The following KCNN3 variants were observed in gnomAD, a reference collection of about 807,000 sequenced individuals.
KCNN3 encodes the protein potassium calcium-activated channel subfamily N member 3.
Under a neutral mutation model 62.9 loss-of-function variants are expected in KCNN3, and 16 were observed. The observed-to-expected ratio is 0.25, with a 90% CI of 0.17 to 0.39. The LOEUF (loss-of-function observed/expected upper bound fraction) is 0.39. KCNN3 is among the 10% of genes least tolerant of loss of function. KCNN3 has a pLI of 1.00. For synonymous variants in KCNN3, 370 were observed against 389.2 expected (o/e 0.95, Z 0.58); for missense variants, 599 against 949.4 (o/e 0.63, Z 4.85).
At chr1:154,765,778 C>T (rs1025517816) in intron 3 of KCNN3, among the ~76,000 whole-genome samples, 2 of 151,288 alleles carry the variant, frequency 1.3e-5, no homozygotes, top group African/African-American at 2.4e-5. Context: ...CCACCACTCC[C>T]GGCTAATGTT....
At chr1:154,715,433 CAAA>C (rs68051927) in intron 5 of KCNN3, among the ~76,000 whole-genome samples, 1 of 104,050 alleles carries the variant, frequency 9.6e-6, no homozygotes. Flanking sequence ...AACTCCATCT[CAAA>C]AAAAAAAAAA....
chr1:154,757,070 C>T (rs566064770), intron 3 of KCNN3, among the ~76,000 whole-genome samples: 35 of 152,080 alleles, frequency 2.3e-4, no homozygotes, highest in African/African-American at 5.5e-4. Context: ...TGAAGGGAAA[C>T]GGCAGAGGAG....
intron 2 of KCNN3, among the ~76,000 whole-genome samples, chr1:154,801,238 C>T (rs537606262): frequency 2.6e-5 from 4 of 152,240 alleles, no homozygotes; most frequent in African/African-American, 7.2e-5. Flanking sequence ...CCATTTATCC[C>T]GGCAAAGTAG....
In KCNN3 at chr1:154,725,919, C is replaced by T; in HGVS notation, c.1698G>A (p.Lys566=). ...HNFMMDTQLT[K]RIKNAAANVL... is the part of the protein sequence containing the mutation. Reference sequence around the variant, plus strand: ...ACATGGCTGTGTGGCATCTTACCCGCTTGGTGAGCTGAGTGTCCATCATGA... The same window carrying T: ...ACATGGCTGTGTGGCATCTTACCCGTTTGGTGAGCTGAGTGTCCATCATGA... The change falls in exon 5 of 8, where the codon AAG becomes AAA. Residue 566 remains lysine, a synonymous_variant. Transcript: ENST00000271915. 6.2e-7 allele frequency: 1 copy of T among 1,613,168 alleles called. No homozygotes were observed. The highest frequency in any genetic ancestry group is 8.5e-7 in the Non-Finnish European group (1 of 1,179,132).
intron 2 of KCNN3, among the ~76,000 whole-genome samples, chr1:154,816,870 C>T (rs1299054410): frequency 2.0e-5 from 3 of 152,198 alleles, no homozygotes; most frequent in Admixed American, 6.5e-5. Flanking sequence ...ATTCCAAAAC[C>T]CTTCAGCAAG....
chr1:154,822,131 G>T lies in KCNN3; in HGVS notation c.987C>A (p.Ile329=), dbSNP rs1650924233. ...GGTAGGCGATGATCAAGCCCAAAAGGATGATGGTGGACAGACTGATAAGGC... is the reference window on the plus strand; with the variant it reads ...GGTAGGCGATGATCAAGCCCAAAAGTATGATGGTGGACAGACTGATAAGGC... The part of the protein sequence containing the change: ...LKCLISLSTI[I]LLGLIIAYHT... Residue 329 remains isoleucine, a synonymous_variant, in exon 2 of 8, where the codon ATC becomes ATA. Coordinates refer to ENST00000271915, the MANE Select transcript of KCNN3 (RefSeq NM_002249.6). The T allele has an allele frequency of 5.6e-6, 9 of 1,614,212 alleles. No individual in the cohort carries two copies. Among genetic ancestry groups the T allele is most frequent in the Admixed American group, 1.7e-5 (1 of 60,030 alleles).
chr1:154,818,866 C>T (rs904078437), intron 2 of KCNN3, among the ~76,000 whole-genome samples: 3 of 152,244 alleles, frequency 2.0e-5, no homozygotes, highest in African/African-American at 7.2e-5. Context: ...CTAAAAGGTA[C>T]TCCCCCAGCC....
intron 3 of KCNN3, among the ~76,000 whole-genome samples, chr1:154,770,075 T>C (rs752477516): frequency 3.9e-5 from 6 of 152,322 alleles, no homozygotes; most frequent in East Asian, 1.9e-4. Flanking sequence ...GCTTTCTCCA[T>C]TGGGGGAAGA....
At chr1:154,782,807 C>G (rs918198058) in intron 2 of KCNN3, among the ~76,000 whole-genome samples, 1 of 152,218 alleles carries the variant, frequency 6.6e-6, no homozygotes, top group Non-Finnish European at 1.5e-5. Context: ...CAATCAATTG[C>G]CTGGGGCTTG....
intron 3 of KCNN3, among the ~76,000 whole-genome samples, chr1:154,758,315 G>A (rs972100851): frequency 6.6e-6 from 1 of 152,230 alleles, no homozygotes; most frequent in African/African-American, 2.4e-5. Flanking sequence ...CCTGATCACA[G>A]GATGGATCCT....
chr1:154,825,511 G>A (rs111992259), intron 1 of KCNN3, among the ~76,000 whole-genome samples: 15,680 of 149,802 alleles, frequency 0.1, 979 homozygotes, highest in African/African-American at 0.16. Flanking sequence ...GACTACAGGC[G>A]CCCGCCACTA....
chr1:154,799,052 G>A (rs1557982058), intron 2 of KCNN3, among the ~76,000 whole-genome samples: 1 of 151,892 alleles, frequency 6.6e-6, no homozygotes, highest in Non-Finnish European at 1.5e-5. Context: ...AAGTAGCTGG[G>A]TTTATAGGTA....
chr1:154,758,138 A>C (rs1647817376), intron 3 of KCNN3, among the ~76,000 whole-genome samples: 1 of 152,154 alleles, frequency 6.6e-6, no homozygotes, highest in Non-Finnish European at 1.5e-5. Flanking sequence ...ATAGGAAGAG[A>C]TTTCTAAGTC....
Position 154,708,090 on chromosome 1 carries a change from C to T in KCNN3, c.2082G>A (p.Glu694=). The T allele has an allele frequency of 6.2e-7, 1 of 1,613,944 alleles. No individual in the cohort carries two copies. The highest frequency in any genetic ancestry group is 8.5e-7 in the Non-Finnish European group (1 of 1,179,940). Reference sequence around the variant, plus strand: ...CCACTGCCACGCTGACACCCCGGGCCTCGATGATGGCAGACAGGAGCTGCT... The same window carrying T: ...CCACTGCCACGCTGACACCCCGGGCTTCGATGATGGCAGACAGGAGCTGCT... The part of the protein sequence containing the change: ...QQQQLLSAII[E]ARGVSVAVGT... Residue 694 remains glutamate, a synonymous_variant, in exon 8 of 8, where the codon GAG becomes GAA. Coordinates refer to ENST00000271915, the MANE Select transcript of KCNN3 (RefSeq NM_002249.6).
intron 2 of KCNN3, among the ~76,000 whole-genome samples, chr1:154,804,684 A>G (rs1260538721): frequency 2.6e-5 from 4 of 152,220 alleles, no homozygotes; most frequent in Non-Finnish European, 5.9e-5. Flanking sequence ...CAATACTGGT[A>G]ACATGAGCAA....
intron 2 of KCNN3, among the ~76,000 whole-genome samples, chr1:154,803,142 G>C (rs111824178): frequency 0.012 from 1,903 of 152,252 alleles, 39 homozygotes; most frequent in African/African-American, 0.042. Flanking sequence ...GCTCAAAAAT[G>C]CCCCCAGGCC....
intron 6 of KCNN3, among the ~76,000 whole-genome samples, chr1:154,714,438 GGGGTGTGTGTGTGGTGTTT>G: frequency 2.8e-5 from 1 of 36,044 alleles, no homozygotes; most frequent in Non-Finnish European, 6.0e-5. Flanking sequence ...TGGTGTGTGG[GGGGTGTGTGTGTGGTGTTT>G]GTGTGTGGTG....
intron 1 of KCNN3, among the ~76,000 whole-genome samples, chr1:154,857,130 G>T (rs984372611): frequency 7.9e-5 from 12 of 152,134 alleles, no homozygotes. Flanking sequence ...ACCAGAACAC[G>T]CCAGGCAGTG....
At chr1:154,758,323 C>A (rs1216432802) in intron 3 of KCNN3, among the ~76,000 whole-genome samples, 1 of 152,212 alleles carries the variant, frequency 6.6e-6, no homozygotes, top group Non-Finnish European at 1.5e-5. Flanking sequence ...CAGGATGGAT[C>A]CTGTGCTGGT....
Sources: gnomAD v4.1 joint callset for allele counts (sites outside exome capture counted in the v4.1 genomes callset) on GRCh38, gnomAD v4.1.1 for gene constraint, MANE v1.5 for transcripts, NCBI Gene and HGNC (gene_info 2026-07-23, HGNC 2026-07-21) for gene names.